ZSCAN31: variants seen among roughly 807,000 people sequenced by gnomAD.
The protein encoded by ZSCAN31 is zinc finger and SCAN domain-containing protein 31.
Under a neutral mutation model 22.5 loss-of-function variants are expected in ZSCAN31, and 14 were observed. The observed-to-expected ratio is 0.62, with a 90% CI of 0.41 to 0.97. The LOEUF (loss-of-function observed/expected upper bound fraction) is 0.97, where lower values mean the gene tolerates loss of function less well. Ranked by LOEUF, ZSCAN31 falls within the 50% of genes least tolerant of loss-of-function variation. The pLI is 0.00. For synonymous variants in ZSCAN31, 168 were observed against 169.8 expected (o/e 0.99, Z 0.08); for missense variants, 424 against 483.4 (o/e 0.88, Z 1.15).
At chr6:28,355,003 G>A (rs182009693), upstream of ZSCAN31, among the ~76,000 whole-genome samples, 15 of 152,286 alleles carry the variant, frequency 9.8e-5, no homozygotes, top group African/African-American at 3.6e-4. Context: ...CAAACCATAG[G>A]GTGTTGGTAC....
At chr6:28,335,774 C>G (rs1764116616) in intron 1 of ZSCAN31, 1 of 152,298 alleles carries the variant, frequency 6.6e-6, no homozygotes, top group Non-Finnish European at 1.5e-5. Context: ...GGGACCCCTT[C>G]TCTGCTGGCA....
chr6:28,326,307 G>T lies in ZSCAN31; in HGVS notation c.1080C>A (p.Phe360Leu), dbSNP rs777078286. ...RYQCRECGKA[F>L]IQNAGLFQHL... ...GCTGGAAAAGCCCTGCATTCTGAAT[G>T]AAGGCTTTGCCACACTCACGACACT... The change falls in exon 4 of 4, where the codon TTC (phenylalanine) becomes TTA (leucine). Residue 360 changes from phenylalanine (F) to leucine (L), a missense_variant. Physicochemically the swap from Phe to Leu is conservative, Grantham distance 22 (BLOSUM62 0). Coordinates refer to ENST00000344279, the MANE Select transcript of ZSCAN31 (RefSeq NM_030899.5). The T allele has an allele frequency of 6.2e-6, 10 of 1,614,108 alleles. No homozygotes were observed. In the Admixed American group the frequency reaches 1.7e-4, roughly 27 times the overall value.
chr6:28,348,772 G>A (rs1764756777), intron 2 of ZSCAN31, among the ~76,000 whole-genome samples: 1 of 152,084 alleles, frequency 6.6e-6, no homozygotes, highest in Non-Finnish European at 1.5e-5. Context: ...AGCACAATTG[G>A]AATCTTGATT....
upstream of ZSCAN31, among the ~76,000 whole-genome samples, chr6:28,339,445 C>T (rs1410730461): frequency 2.6e-5 from 4 of 152,090 alleles, no homozygotes; most frequent in Non-Finnish European, 5.9e-5. Context: ...TGTGCCACCA[C>T]GCCTGGCAAA....
chr6:28,354,254 G>A (rs1056890186), upstream of ZSCAN31: 7 of 281,008 alleles, frequency 2.5e-5, no homozygotes, highest in Non-Finnish European at 5.0e-5. Context: ...GACAATAGTG[G>A]CTGTAAGCCA....
At position 28,326,863 on chromosome 6, in the gene ZSCAN31, A is replaced by T. The variant is rs200923796; in HGVS notation, c.533-9T>A. ...AGGTATACTTTCACCATCTGGAATA[A>T]TAAATGGACCAAACAATGTAATCTC... On this transcript the variant is annotated splice_polypyrimidine_tract_variant and intron_variant, in intron 3 of 3. Transcript: ENST00000344279. The T allele has an allele frequency of 4.9e-5, 78 of 1,596,770 alleles. No homozygotes were observed. The highest frequency in any genetic ancestry group is 3.3e-4 in the Middle Eastern group (2 of 6,018).
intron 2 of ZSCAN31, among the ~76,000 whole-genome samples, chr6:28,350,887 T>C (rs1431633795): frequency 6.6e-6 from 1 of 152,170 alleles, no homozygotes; most frequent in Non-Finnish European, 1.5e-5. Context: ...GGGGTACCTT[T>C]TCCTTGGCTG....
chr6:28,342,326 T>C (rs1764443856), intron 2 of ZSCAN31, among the ~76,000 whole-genome samples: 1 of 152,206 alleles, frequency 6.6e-6, no homozygotes, highest in South Asian at 2.1e-4. Context: ...TCCTGAACCC[T>C]GTGGACCTTC....
chr6:28,354,229 A>G (rs6903306), upstream of ZSCAN31: 1,939 of 299,898 alleles, frequency 6.5e-3, 34 homozygotes, highest in African/African-American at 0.036. Context: ...CAGCAGGGCA[A>G]TTATACCATT....
chr6:28,338,892 T>A (rs139681326), upstream of ZSCAN31, among the ~76,000 whole-genome samples: 1,438 of 152,336 alleles, frequency 9.4e-3, 17 homozygotes, highest in Middle Eastern at 0.031. Flanking sequence ...TTCTATCAAG[T>A]TTCTTTCAAT....
At chr6:28,338,606 A>G (rs1464487130), upstream of ZSCAN31, among the ~76,000 whole-genome samples, 1 of 152,074 alleles carries the variant, frequency 6.6e-6, no homozygotes, top group East Asian at 1.9e-4. Context: ...TAAAGGTGTG[A>G]GCTGCTGCCA....
intron 3 of ZSCAN31, among the ~76,000 whole-genome samples, 187 bp downstream of exon 3, chr6:28,327,196 T>C (rs1270423392): frequency 6.6e-6 from 1 of 152,198 alleles, no homozygotes; most frequent in Admixed American, 6.5e-5. Context: ...GCTATGATTA[T>C]CCCCACTTCA....
chr6:28,350,768 A>C (rs546825437), intron 2 of ZSCAN31, among the ~76,000 whole-genome samples: 1 of 152,208 alleles, frequency 6.6e-6, no homozygotes, highest in Non-Finnish European at 1.5e-5. Flanking sequence ...TCTATATTTT[A>C]GGAGGGAAAA....
Position 28,331,522 on chromosome 6 carries a change from GT to G in ZSCAN31, c.-95-1745del, listed in dbSNP as rs1171248439. Among the ~76,000 whole-genome samples the G allele has an allele frequency of 6.6e-6, 1 of 152,188 alleles. No homozygotes were observed. Among genetic ancestry groups the G allele is most frequent in the Non-Finnish European group, 1.5e-5 (1 of 68,030 alleles). ...TAATAAAATATTCACATAAAATGAT[GT>G]TACAGAATTGAGAATTTGAAGAGTT... On this transcript the variant is annotated intron_variant, in intron 1 of 3. Transcript: ENST00000344279. The surrounding 1 kb of genome is among the most constrained non-coding windows in gnomAD (Gnocchi z 4.8).
At chr6:28,343,290 C>T (rs1424815969) in intron 2 of ZSCAN31, among the ~76,000 whole-genome samples, 2 of 152,096 alleles carry the variant, frequency 1.3e-5, no homozygotes, top group African/African-American at 4.8e-5. Context: ...ACCCATTCCC[C>T]AGACAAAAGA....
In ZSCAN31 at chr6:28,353,777, A is replaced by G. The variant is rs370307093; in HGVS notation, c.-371+85T>C. On this transcript the variant is annotated intron_variant, in intron 2 of 7. Transcript: ENST00000396838. ...TGTGGATAGAGAAAAGAAAAGGTCA[A>G]GAACAGAACCACCAGGCCTACTCTT... is the stretch of plus-strand genomic sequence containing the variant. 41 of 455,062 alleles carry G rather than the reference A, an allele frequency of 9.0e-5. 1 individual carries two copies. Among genetic ancestry groups the G allele is most frequent in the East Asian group, 7.7e-4 (11 of 14,372 alleles). 28.2% of individuals were successfully genotyped at this position (455,062 alleles called of 1,614,324 possible).
At chr6:28,341,532 C>T (rs1764413388) in intron 3 of ZSCAN31, among the ~76,000 whole-genome samples, 1 of 152,190 alleles carries the variant, frequency 6.6e-6, no homozygotes, top group Non-Finnish European at 1.5e-5. Context: ...ATGCCATCAC[C>T]TTAGGGGCTA....
exon 2 of ZSCAN31, chr6:28,353,905 G>A (rs150145512): frequency 0.035 from 15,882 of 455,946 alleles, 374 homozygotes; most frequent in Middle Eastern, 0.064. Context: ...ACTGAGGTCC[G>A]AGGGGAGTTG....
Position 28,326,003 on chromosome 6 carries a change from A to G in ZSCAN31, c.*163T>C. Reference sequence around the variant, plus strand: ...TTCAATGCAATACAAAATAAATTTTATAAGAACAGAATAAGCCACTTGAAA... The same window carrying G: ...TTCAATGCAATACAAAATAAATTTTGTAAGAACAGAATAAGCCACTTGAAA... On this transcript the variant is annotated 3_prime_UTR_variant, in exon 4 of 4. Transcript: ENST00000344279. 3 of 672,662 alleles carry G rather than the reference A, an allele frequency of 4.5e-6. No homozygotes were observed. The highest frequency in any genetic ancestry group is 7.6e-6 in the Non-Finnish European group (3 of 395,652). 41.7% of individuals were successfully genotyped at this position (672,662 alleles called of 1,614,324 possible).
Sources: gnomAD v4.1 joint callset for allele counts (sites outside exome capture counted in the v4.1 genomes callset) on GRCh38, gnomAD v4.1.1 for gene constraint, Gnocchi (gnomAD v3.1) non-coding constraint, MANE v1.5 for transcripts, NCBI Gene and HGNC (gene_info 2026-07-23, HGNC 2026-07-21) for gene names.